Variants in HRH1 observed in about 807,000 individuals in gnomAD.
The protein encoded by HRH1 is histamine receptor H1.
Under a neutral mutation model 10.3 loss-of-function variants are expected in HRH1, and 6 were observed. That is an observed-to-expected ratio of 0.58 (90% CI 0.32 to 1.15). The LOEUF (loss-of-function observed/expected upper bound fraction) is 1.15. HRH1 is among the 50% of genes most tolerant of loss of function. The pLI is 0.05. For synonymous variants in HRH1, 242 were observed against 236.7 expected (o/e 1.02, Z -0.21); for missense variants, 514 against 615.3 (o/e 0.84, Z 1.74).
At chr3:11,138,666 G>GTTCACACA (rs1936232429) in intron 1 of HRH1, among the ~76,000 whole-genome samples, 1 of 150,662 alleles carries the variant, frequency 6.6e-6, no homozygotes, top group South Asian at 2.1e-4. Flanking sequence ...GAAAACATCT[G>GTTCACACA]TTCACACAAA....
intron 1 of HRH1, among the ~76,000 whole-genome samples, chr3:11,179,916 A>G (rs927238978): frequency 2.0e-5 from 3 of 151,860 alleles, no homozygotes; most frequent in African/African-American, 7.3e-5. Flanking sequence ...GACCACAGGC[A>G]TGCGCCACCA....
At chr3:11,197,456 C>A (rs1384087908) in intron 1 of HRH1, among the ~76,000 whole-genome samples, 2 of 152,074 alleles carry the variant, frequency 1.3e-5, no homozygotes, top group Admixed American at 1.3e-4. Context: ...GAAAAGGGGC[C>A]ATACGGAGCC....
At chr3:11,205,585 AC>A (rs1424136387) in intron 1 of HRH1, among the ~76,000 whole-genome samples, 4 of 152,112 alleles carry the variant, frequency 2.6e-5, no homozygotes, top group Non-Finnish European at 5.9e-5. Flanking sequence ...TGAATGATGT[AC>A]ATTTTCATGA....
intron 1 of HRH1, among the ~76,000 whole-genome samples, chr3:11,168,552 C>G (rs1352343124): frequency 1.3e-5 from 2 of 152,202 alleles, no homozygotes; most frequent in African/African-American, 4.8e-5. Context: ...GCGCTCGCCC[C>G]AGTCACCCCG....
intron 1 of HRH1, among the ~76,000 whole-genome samples, chr3:11,172,142 AT>A (rs1044407160): frequency 6.6e-6 from 1 of 152,152 alleles, no homozygotes; most frequent in Non-Finnish European, 1.5e-5. Context: ...AGTGTTTTGG[AT>A]TTTTTGCTGG....
intron 1 of HRH1, among the ~76,000 whole-genome samples, chr3:11,253,752 C>T (rs747112721): frequency 2.6e-5 from 4 of 152,192 alleles, no homozygotes; most frequent in Non-Finnish European, 5.9e-5. Context: ...AGGATGTTCA[C>T]GTTCCCGAAT....
intron 1 of HRH1, among the ~76,000 whole-genome samples, chr3:11,192,073 C>T (rs1281973635): frequency 6.6e-6 from 1 of 152,206 alleles, no homozygotes; most frequent in African/African-American, 2.4e-5. Context: ...ACATTGTCCA[C>T]TGGGCATGAT....
In HRH1 at chr3:11,213,853, G is replaced by A. The variant is rs550129347; in HGVS notation, c.-35-45150G>A. On this transcript the variant is annotated intron_variant, in intron 1 of 1. Coordinates refer to ENST00000431010, the MANE Select transcript of HRH1 (RefSeq NM_001098212.2). ...ACGGTGGCTGCCCTGGACTCTTACT[G>A]CTTTAGACCAGCAAAATAAGGTAGA... Among the ~76,000 whole-genome samples, 21 of 152,350 alleles carry A rather than the reference G, an allele frequency of 1.4e-4. No individual in the cohort carries two copies. The South Asian group carries it at 4.1e-3, about 30-fold the overall frequency.
intron 1 of HRH1, among the ~76,000 whole-genome samples, chr3:11,206,233 G>A (rs1159774387): frequency 6.6e-6 from 1 of 152,174 alleles, no homozygotes; most frequent in Admixed American, 6.5e-5. Flanking sequence ...TCCTGCCTCA[G>A]CCTCCCGAGG....
intron 1 of HRH1, among the ~76,000 whole-genome samples, chr3:11,219,334 G>A (rs1640554378): frequency 6.6e-6 from 1 of 152,154 alleles, no homozygotes; most frequent in Non-Finnish European, 1.5e-5. Flanking sequence ...ATGGTTGCGT[G>A]GTTGTGAATG....
At chr3:11,138,172 G>A (rs1936218689) in intron 1 of HRH1, among the ~76,000 whole-genome samples, 1 of 132,822 alleles carries the variant, frequency 7.5e-6, no homozygotes, top group Non-Finnish European at 1.6e-5. Context: ...CCCGCACCAC[G>A]TTTGGCTATT....
intron 1 of HRH1, among the ~76,000 whole-genome samples, chr3:11,257,884 A>T (rs1200558586): frequency 6.6e-6 from 1 of 152,140 alleles, no homozygotes; most frequent in African/African-American, 2.4e-5. Flanking sequence ...GCCTCAAGTG[A>T]TCATTCCACC....
chr3:11,248,554 G>C (rs73121691), intron 1 of HRH1, among the ~76,000 whole-genome samples: 2,166 of 152,338 alleles, frequency 0.014, 55 homozygotes, highest in African/African-American at 0.05. Flanking sequence ...GTACTTGGCA[G>C]AGTACCCAGC....
chr3:11,254,258 C>G (rs74391904), intron 1 of HRH1, among the ~76,000 whole-genome samples: 1 of 152,190 alleles, frequency 6.6e-6, no homozygotes, highest in South Asian at 2.1e-4. Flanking sequence ...ATTTTTCACA[C>G]TCTTCAGCTT....
At chr3:11,245,497 G>T (rs1217041861) in intron 1 of HRH1, among the ~76,000 whole-genome samples, 1 of 152,178 alleles carries the variant, frequency 6.6e-6, no homozygotes, top group Non-Finnish European at 1.5e-5. Context: ...GCCCAGATAT[G>T]CCTCTTGGGC....
upstream of HRH1, chr3:11,154,411 G>C (rs1247802893): frequency 1.3e-5 from 2 of 150,580 alleles, no homozygotes; most frequent in Non-Finnish European, 1.5e-5. The surrounding 1 kb of genome is among the most constrained non-coding windows in gnomAD (Gnocchi z 4.4). Context: ...CCCGCTGCTC[G>C]CGGGTGGGCC....
chr3:11,232,016 TGA>T (rs1314385744), intron 1 of HRH1, among the ~76,000 whole-genome samples: 1 of 151,322 alleles, frequency 6.6e-6, no homozygotes, highest in Non-Finnish European at 1.5e-5. Flanking sequence ...TTTTTTAGAC[TGA>T]GTCTCGCTCT....
intron 1 of HRH1, among the ~76,000 whole-genome samples, chr3:11,183,556 G>A (rs1011092054): frequency 2.0e-5 from 3 of 152,104 alleles, no homozygotes; most frequent in Admixed American, 2.0e-4. Flanking sequence ...CCTGCTCTAG[G>A]CAAACACAGC....
upstream of HRH1, among the ~76,000 whole-genome samples, chr3:11,154,037 T>C (rs181895306): frequency 1.2e-4 from 19 of 152,308 alleles, no homozygotes; most frequent in African/African-American, 4.1e-4. The surrounding 1 kb of genome is among the most constrained non-coding windows in gnomAD (Gnocchi z 4.4). Context: ...TCTTTTTCAA[T>C]CTATCTGTGA....
Sources: allele counts gnomAD v4.1 joint callset (sites outside exome capture counted in the v4.1 genomes callset), GRCh38; gene constraint gnomAD v4.1.1; non-coding constraint Gnocchi (gnomAD v3.1); transcripts MANE v1.5; gene names NCBI Gene and HGNC (gene_info 2026-07-23, HGNC 2026-07-21).